Variants in NBEA observed in about 807,000 individuals in gnomAD.
NBEA encodes the protein neurobeachin.
NBEA carries 44 observed loss-of-function variants against 343.4 expected under a neutral mutation model. That is an observed-to-expected ratio of 0.13 (90% CI 0.10 to 0.16). The LOEUF is 0.16. Among genes scored for constraint, NBEA ranks in the 10% least tolerant of loss-of-function variants. NBEA has a pLI of 1.00. For synonymous variants in NBEA, 1,175 were observed against 1,238.7 expected, an observed-to-expected ratio of 0.95 and a Z score of 1.08; for missense variants, 2,555 against 3,631.3, an observed-to-expected ratio of 0.70 and a Z score of 7.62.
intron 2 of NBEA, among the ~76,000 whole-genome samples, chr13:35,044,606 G>A (rs1566202480): frequency 2.4e-5 from 1 of 41,898 alleles, no homozygotes; most frequent in Non-Finnish European, 5.0e-5. Context: ...GTGTTGTGGT[G>A]TGTGTGTGTG....
intron 34 of NBEA, among the ~76,000 whole-genome samples, chr13:35,254,831 T>G (rs1239980959): frequency 6.6e-6 from 1 of 152,098 alleles, no homozygotes; most frequent in Non-Finnish European, 1.5e-5. Context: ...AAATTTCAAA[T>G]TGGTAAGAAT....
At chr13:35,486,112 A>G (rs971883742) in intron 41 of NBEA, among the ~76,000 whole-genome samples, 1 of 152,100 alleles carries the variant, frequency 6.6e-6, no homozygotes, top group African/African-American at 2.4e-5. Context: ...CACTGCTTGT[A>G]CAAGCCTAGC....
chr13:35,530,539 A>G (rs2078212254), intron 41 of NBEA, among the ~76,000 whole-genome samples: 1 of 152,140 alleles, frequency 6.6e-6, no homozygotes, highest in Non-Finnish European at 1.5e-5. Flanking sequence ...ACAAATTTTG[A>G]TCTGTGCAGT....
chr13:35,317,324 C>T (rs1321074734), intron 36 of NBEA, among the ~76,000 whole-genome samples: 2 of 152,186 alleles, frequency 1.3e-5, no homozygotes, highest in African/African-American at 2.4e-5. Flanking sequence ...CTGCCTCTGG[C>T]TAGCCAGTTT....
intron 34 of NBEA, among the ~76,000 whole-genome samples, chr13:35,267,206 T>C (rs2033754407): frequency 6.6e-6 from 1 of 151,886 alleles, no homozygotes; most frequent in African/African-American, 2.4e-5. Context: ...TTCAAAGCTG[T>C]GTCTTTCAAG....
At chr13:35,061,550 T>C (rs1290224628) in intron 8 of NBEA, among the ~76,000 whole-genome samples, 1 of 151,806 alleles carries the variant, frequency 6.6e-6, no homozygotes, top group Admixed American at 6.6e-5. Flanking sequence ...CTCAGTGTTA[T>C]GTTAACCCTG....
At chr13:35,263,587 C>T (rs931946823) in intron 34 of NBEA, among the ~76,000 whole-genome samples, 4 of 151,982 alleles carry the variant, frequency 2.6e-5, no homozygotes, top group Admixed American at 2.6e-4. Context: ...CTTTTCTGAC[C>T]ATAAAGGAAT....
intron 34 of NBEA, among the ~76,000 whole-genome samples, chr13:35,286,534 CA>C (rs1383776160): frequency 2.6e-5 from 4 of 152,030 alleles, no homozygotes; most frequent in Non-Finnish European, 5.9e-5. Flanking sequence ...TGGAATTTTT[CA>C]ACGGTATTTT....
chr13:35,124,743 T>C (rs1443970837), intron 17 of NBEA, among the ~76,000 whole-genome samples: 5 of 151,650 alleles, frequency 3.3e-5, no homozygotes, highest in East Asian at 1.9e-4. Flanking sequence ...TATGGATATA[T>C]ACACACATAT....
chr13:35,626,262 A>G (rs2083225706), intron 48 of NBEA, among the ~76,000 whole-genome samples: 1 of 152,232 alleles, frequency 6.6e-6, no homozygotes, highest in Admixed American at 6.5e-5. Context: ...CATTAAATAC[A>G]TTATAGTTAT....
At chr13:35,057,232 G>T (rs2063303009) in intron 7 of NBEA, among the ~76,000 whole-genome samples, 1 of 151,990 alleles carries the variant, frequency 6.6e-6, no homozygotes, top group Non-Finnish European at 1.5e-5. Flanking sequence ...CATCTCTCTA[G>T]GCTTTCATCT....
chr13:35,123,029 C>T (rs940128343), intron 16 of NBEA, among the ~76,000 whole-genome samples: 10 of 152,260 alleles, frequency 6.6e-5, no homozygotes, highest in Admixed American at 1.3e-4. Flanking sequence ...AGGTGGCTCA[C>T]GCCTGTAATT....
At position 35,553,444 on chromosome 13, in the gene NBEA, G is replaced by A. The variant is rs945387804; in HGVS notation, c.6807-1543G>A. ...AAACACTGCATCTAGGCTTAAACCTGTCACTTAGCTGGGTAACAATAAGCA... is the reference window on the plus strand; with the variant it reads ...AAACACTGCATCTAGGCTTAAACCTATCACTTAGCTGGGTAACAATAAGCA... On this transcript the variant is annotated intron_variant, in intron 43 of 58. Transcript: ENST00000379939. Among the ~76,000 whole-genome samples the A allele has an allele frequency of 5.3e-5, 8 of 152,138 alleles. No individual in the cohort carries two copies. In the East Asian group the frequency reaches 1.5e-3, roughly 29 times the overall value.
chr13:35,251,536 G>A (rs1593937726), intron 34 of NBEA: 12 of 1,152,876 alleles, frequency 1.0e-5, no homozygotes, highest in East Asian at 7.2e-5. Context: ...CATCCTGGAC[G>A]TCATGTCCTT....
chr13:35,381,479 C>T (rs534661636), intron 38 of NBEA, among the ~76,000 whole-genome samples: 1 of 152,170 alleles, frequency 6.6e-6, no homozygotes, highest in Non-Finnish European at 1.5e-5. Context: ...AACCTGTATG[C>T]TTTATAAAGA....
chr13:34,988,726 C>G (rs1196242797), intron 1 of NBEA, among the ~76,000 whole-genome samples: 2 of 151,138 alleles, frequency 1.3e-5, no homozygotes, highest in Non-Finnish European at 3.0e-5. Context: ...TACTTCTTGT[C>G]TCGACGTTTA....
At chr13:35,608,606 G>T (rs2082380956) in intron 48 of NBEA, among the ~76,000 whole-genome samples, 1 of 152,152 alleles carries the variant, frequency 6.6e-6, no homozygotes, top group African/African-American at 2.4e-5. Flanking sequence ...GTGAATGAAT[G>T]AATTAATGAA....
intron 1 of NBEA, among the ~76,000 whole-genome samples, chr13:34,996,962 T>A (rs569376453): frequency 6.6e-6 from 1 of 152,272 alleles, no homozygotes; most frequent in South Asian, 2.1e-4. Flanking sequence ...TTCAAAGTAG[T>A]GTGGAGGTAG....
chr13:35,033,743 G>T (rs879587505), intron 1 of NBEA, among the ~76,000 whole-genome samples: 12 of 151,610 alleles, frequency 7.9e-5, no homozygotes, highest in Middle Eastern at 3.2e-3. Context: ...TTAACTCCTA[G>T]GTATTTAATT....
Sources: gnomAD v4.1 joint callset for allele counts (sites outside exome capture counted in the v4.1 genomes callset) on GRCh38, gnomAD v4.1.1 for gene constraint, MANE v1.5 for transcripts, NCBI Gene and HGNC (gene_info 2026-07-23, HGNC 2026-07-21) for gene names.